NEXMIF: variants seen among roughly 807,000 people sequenced by gnomAD.
The protein encoded by NEXMIF is XLMR protein related to neurite extension.
NEXMIF carries 8 observed loss-of-function variants against 62.1 expected under a neutral mutation model. The ratio of observed to expected loss-of-function variants is 0.13; its 90% confidence interval spans 0.08 to 0.23. The LOEUF (loss-of-function observed/expected upper bound fraction) is 0.23, where lower values mean the gene tolerates loss of function less well. NEXMIF is among the 10% of genes least tolerant of loss of function. NEXMIF has a pLI of 1.00. For missense variants in NEXMIF, 976 were observed against 1,113.3 expected, an observed-to-expected ratio of 0.88 and a Z score of 1.75; for synonymous variants, 404 against 416.6, an observed-to-expected ratio of 0.97 and a Z score of 0.37.
chrX:74,792,974 C>T (rs2080290655), intron 1 of NEXMIF, among the ~76,000 whole-genome samples: 1 of 108,003 alleles, frequency 9.3e-6, no homozygotes, highest in Admixed American at 1.0e-4. Context: ...AGTCCATTTA[C>T]GTTTAAAGTT....
In NEXMIF at chrX:74,925,345, T is replaced by C; in HGVS notation, c.-510A>G. 6.9e-6 allele frequency: 1 copy of C among 144,460 alleles called. No individual in the cohort carries two copies. The highest frequency in any genetic ancestry group is 2.5e-4 in the East Asian group (1 of 3,970). 11.9% of individuals were successfully genotyped at this position (144,460 alleles called of 1,213,427 possible). ...AGGAGGGCGGCTGCTACTGTCGCTA[T>C]AGCTGTTAAAGCTATTGCTAAATGC... is the stretch of plus-strand genomic sequence containing the variant. On this transcript the variant is annotated 5_prime_UTR_variant, in exon 1 of 4. Transcript: ENST00000055682.
chrX:74,906,007 T>A (rs1205755070), intron 1 of NEXMIF, among the ~76,000 whole-genome samples: 1 of 110,923 alleles, frequency 9.0e-6, no homozygotes, highest in Non-Finnish European at 1.9e-5. Flanking sequence ...GGGTGGCTCA[T>A]GCCTGTAATC....
intron 1 of NEXMIF, among the ~76,000 whole-genome samples, chrX:74,915,518 C>A (rs2080803632): frequency 9.0e-6 from 1 of 111,663 alleles, no homozygotes; most frequent in Non-Finnish European, 1.9e-5. Context: ...ACTCCTAGAA[C>A]CTGTGAATAT....
chrX:74,780,896 G>A (rs2080244542), intron 1 of NEXMIF, among the ~76,000 whole-genome samples: 1 of 111,658 alleles, frequency 9.0e-6, no homozygotes, highest in African/African-American at 3.3e-5. Flanking sequence ...GGCAGGGAAG[G>A]GAGAGTACAG....
chrX:74,801,166 G>T (rs1390605951), intron 1 of NEXMIF, among the ~76,000 whole-genome samples: 1 of 111,649 alleles, frequency 9.0e-6, no homozygotes. Flanking sequence ...TTTCTTTTCA[G>T]TGCTGAATAA....
At chrX:74,771,291 G>A (rs914744099) in intron 1 of NEXMIF, among the ~76,000 whole-genome samples, 1 of 111,055 alleles carries the variant, frequency 9.0e-6, no homozygotes, top group Non-Finnish European at 1.9e-5. Context: ...TTGGCCTAGG[G>A]AATGGCTCCA....
chrX:74,742,745 T>C lies in NEXMIF; in HGVS notation c.1812A>G (p.Thr604=). The change falls in exon 3 of 4, where the codon ACA becomes ACG. Residue 604 remains threonine (T), a synonymous_variant. Coordinates refer to ENST00000055682, the MANE Select transcript of NEXMIF (RefSeq NM_001008537.3). ...CAAAGCTTTGCTTTTGGGAAAAAGG[T>C]GTCTTGATGGAGTCCGTGTTGGTGT... ...QRNTNTDSIK[T]PFSQKQSFEP... 8.3e-7 allele frequency: 1 copy of C among 1,210,734 alleles called. No individual in the cohort carries two copies. Among genetic ancestry groups the C allele is most frequent in the South Asian group, 1.8e-5 (1 of 56,846 alleles).
At chrX:74,798,403 A>G (rs972958145) in intron 1 of NEXMIF, among the ~76,000 whole-genome samples, 1 of 112,358 alleles carries the variant, frequency 8.9e-6, no homozygotes, top group Non-Finnish European at 1.9e-5. Context: ...ATAATAGGCC[A>G]AACTATCCAT....
intron 1 of NEXMIF, among the ~76,000 whole-genome samples, chrX:74,770,477 A>T (rs896351872): frequency 8.9e-6 from 1 of 112,217 alleles, no homozygotes; most frequent in Non-Finnish European, 1.9e-5. Context: ...TGGCATATTG[A>T]TATATATGTT....
intron 1 of NEXMIF, among the ~76,000 whole-genome samples, chrX:74,819,265 T>G (rs1269531350): frequency 8.9e-6 from 1 of 111,863 alleles, no homozygotes; most frequent in Non-Finnish European, 1.9e-5. Context: ...ATTCAGGACA[T>G]AGGCATGGGC....
At chrX:74,877,507 C>T (rs1215159950) in intron 1 of NEXMIF, among the ~76,000 whole-genome samples, 3 of 110,967 alleles carry the variant, frequency 2.7e-5, no homozygotes, top group South Asian at 3.9e-4. Context: ...CTGGGGCGTT[C>T]TCTGTATTTC....
In NEXMIF at chrX:74,789,798, C is replaced by T. The variant is rs1215686784; in HGVS notation, c.-47-44101G>A. Among the ~76,000 whole-genome samples, 51 of 108,323 alleles carry T rather than the reference C, an allele frequency of 4.7e-4. 1 individual carries two copies. The highest frequency in any genetic ancestry group is 1.3e-4 in the Non-Finnish European group (7 of 52,015). The allele number at this position is 108,323 out of a possible 115,157, so 94.1% of individuals were successfully genotyped here. On this transcript the variant is annotated intron_variant, in intron 1 of 3. Transcript: ENST00000055682. ...CTTTTGAGAAGTGTCTGTTCATGTC[C>T]TTCGCCCACTTTTTGATGGGGTTGT...
chrX:74,831,731 A>T (rs2080438105), intron 1 of NEXMIF, among the ~76,000 whole-genome samples: 1 of 111,933 alleles, frequency 8.9e-6, no homozygotes, highest in Admixed American at 9.5e-5. Flanking sequence ...TATCCCATTC[A>T]TTATAATACT....
intron 1 of NEXMIF, among the ~76,000 whole-genome samples, chrX:74,858,536 C>T (rs992149987): frequency 2.7e-5 from 3 of 111,671 alleles, no homozygotes; most frequent in Non-Finnish European, 3.8e-5. Context: ...ACCTGGAAAG[C>T]TTTCCCAAGA....
intron 1 of NEXMIF, among the ~76,000 whole-genome samples, chrX:74,876,493 G>C (rs1225102332): frequency 9.1e-6 from 1 of 110,296 alleles, no homozygotes; most frequent in Non-Finnish European, 1.9e-5. Flanking sequence ...GAGTTCTGTA[G>C]ATGTCTATTA....
intron 1 of NEXMIF, among the ~76,000 whole-genome samples, chrX:74,819,377 C>G (rs758545863): frequency 8.9e-6 from 1 of 111,848 alleles, no homozygotes; most frequent in South Asian, 3.7e-4. Context: ...GCAAAAGAAA[C>G]TATCATCAGA....
intron 1 of NEXMIF, among the ~76,000 whole-genome samples, chrX:74,922,789 A>T (rs2080831364): frequency 8.9e-6 from 1 of 111,919 alleles, no homozygotes; most frequent in Admixed American, 9.5e-5. Flanking sequence ...GCAGTTTATC[A>T]GTATATTGTT....
At chrX:74,820,392 T>C (rs2080391045) in intron 1 of NEXMIF, among the ~76,000 whole-genome samples, 1 of 110,969 alleles carries the variant, frequency 9.0e-6, no homozygotes, top group Non-Finnish European at 1.9e-5. Context: ...AGGGAAAGCT[T>C]ATATACTGTT....
chrX:74,869,441 A>G (rs1319881886), intron 1 of NEXMIF, among the ~76,000 whole-genome samples: 2 of 111,989 alleles, frequency 1.8e-5, no homozygotes, highest in Non-Finnish European at 3.8e-5. Context: ...ATCACCACTG[A>G]TATTCAACAT....
Sources: gnomAD v4.1 joint callset for allele counts (sites outside exome capture counted in the v4.1 genomes callset) on GRCh38, gnomAD v4.1.1 for gene constraint, MANE v1.5 for transcripts, NCBI Gene and HGNC (gene_info 2026-07-23, HGNC 2026-07-21) for gene names.